DNM3: variants seen among roughly 807,000 people sequenced by gnomAD.
DNM3 encodes dynamin 3, also known as dynamin-3.
A neutral mutation model predicts 101.6 loss-of-function variants in DNM3; 47 were observed. That is an observed-to-expected ratio of 0.46 (90% CI 0.37 to 0.59). The LOEUF (loss-of-function observed/expected upper bound fraction) is 0.59, where lower values mean the gene tolerates loss of function less well. DNM3 is among the 20% of genes least tolerant of loss of function. The pLI is 0.00. For synonymous variants in DNM3, 385 were observed against 387.9 expected (o/e 0.99, Z 0.09); for missense variants, 849 against 1,085.7 (o/e 0.78, Z 3.06).
intron 4 of DNM3, among the ~76,000 whole-genome samples, chr1:172,028,095 C>T (rs978294210): frequency 6.6e-6 from 1 of 152,156 alleles, no homozygotes; most frequent in African/African-American, 2.4e-5. Flanking sequence ...AACTCTCCAC[C>T]CCAAATCAAC....
chr1:171,939,599 AT>A (rs982570901), intron 2 of DNM3, among the ~76,000 whole-genome samples: 1 of 152,204 alleles, frequency 6.6e-6, no homozygotes, highest in African/African-American at 2.4e-5. Context: ...TCTTTTTTCT[AT>A]TCCCTTCCTC....
chr1:172,305,530 C>T (rs1242543487), intron 15 of DNM3, among the ~76,000 whole-genome samples: 2 of 152,118 alleles, frequency 1.3e-5, no homozygotes, highest in Admixed American at 6.6e-5. Flanking sequence ...TAACTCATTT[C>T]ATGAGTCCAG....
At chr1:172,388,229 G>T (rs560681735) in intron 19 of DNM3, among the ~76,000 whole-genome samples, 1 of 151,340 alleles carries the variant, frequency 6.6e-6, no homozygotes, top group Non-Finnish European at 1.5e-5. Context: ...GCGAGACTCC[G>T]CCTCAAAGAA....
At chr1:172,277,125 C>A (rs2063321429) in intron 15 of DNM3, among the ~76,000 whole-genome samples, 1 of 151,988 alleles carries the variant, frequency 6.6e-6, no homozygotes, top group Non-Finnish European at 1.5e-5. Flanking sequence ...TCCTTGTCCT[C>A]TGCATTCATG....
chr1:171,958,513 G>T (rs1178755006), intron 2 of DNM3, among the ~76,000 whole-genome samples: 1 of 152,202 alleles, frequency 6.6e-6, no homozygotes, highest in East Asian at 1.9e-4. Flanking sequence ...AGTATATAGT[G>T]TGTCTGTGTG....
At chr1:172,164,318 G>C (rs2058671049) in intron 14 of DNM3, among the ~76,000 whole-genome samples, 1 of 147,270 alleles carries the variant, frequency 6.8e-6, no homozygotes, top group Non-Finnish European at 1.5e-5. Flanking sequence ...TCTGTGTTCA[G>C]GTTAGGGTGC....
chr1:172,199,745 A>G (rs926736522), intron 14 of DNM3, among the ~76,000 whole-genome samples: 3 of 151,780 alleles, frequency 2.0e-5, no homozygotes, highest in African/African-American at 4.8e-5. Flanking sequence ...CCTGTTTTCC[A>G]TTTGTTTGGT....
intron 1 of DNM3, among the ~76,000 whole-genome samples, chr1:171,900,532 C>T (rs908013371): frequency 5.9e-5 from 9 of 152,062 alleles, no homozygotes; most frequent in African/African-American, 2.2e-4. Context: ...AAATTTTCAC[C>T]ACTTTTAGGA....
chr1:172,011,568 C>G (rs1425502423), intron 4 of DNM3, among the ~76,000 whole-genome samples: 1 of 151,960 alleles, frequency 6.6e-6, no homozygotes, highest in Admixed American at 6.6e-5. Flanking sequence ...CTGAAAATGA[C>G]TGTTTTATAT....
At chr1:171,895,996 A>T (rs2037757869) in intron 1 of DNM3, among the ~76,000 whole-genome samples, 2 of 152,194 alleles carry the variant, frequency 1.3e-5, no homozygotes, top group East Asian at 1.9e-4. Context: ...CCATTGATCT[A>T]TATCTCTGTT....
intron 16 of DNM3, 90 bp from the exon 17 acceptor site, chr1:172,323,239 A>G: frequency 7.5e-7 from 1 of 1,336,344 alleles, no homozygotes; most frequent in South Asian, 1.4e-5. Flanking sequence ...TTTAATATCC[A>G]GAGAAAGTAG....
chr1:171,999,774 G>A (rs2046247776), intron 4 of DNM3, among the ~76,000 whole-genome samples: 1 of 152,124 alleles, frequency 6.6e-6, no homozygotes, highest in Non-Finnish European at 1.5e-5. Context: ...AGAAAAGAGA[G>A]AGATTTAAGA....
At chr1:171,882,732 A>G (rs960211238) in intron 1 of DNM3, among the ~76,000 whole-genome samples, 2 of 151,960 alleles carry the variant, frequency 1.3e-5, no homozygotes, top group Non-Finnish European at 2.9e-5. Context: ...CATGACATTG[A>G]TATTTTTGAA....
At chr1:172,177,876 T>A (rs1161828437) in intron 14 of DNM3, among the ~76,000 whole-genome samples, 3 of 151,680 alleles carry the variant, frequency 2.0e-5, no homozygotes, top group Admixed American at 6.6e-5. Context: ...ATACTATATT[T>A]TATAGGGTTT....
intron 5 of DNM3, 45 bp from the exon 6 acceptor site, chr1:172,033,060 C>A: frequency 6.3e-7 from 1 of 1,591,522 alleles, no homozygotes; most frequent in Admixed American, 1.8e-5. Flanking sequence ...CTAGAATAAG[C>A]CACAAAAAGT....
chr1:172,018,292 CTT>C (rs779899165), intron 4 of DNM3, among the ~76,000 whole-genome samples: 1 of 151,884 alleles, frequency 6.6e-6, no homozygotes, highest in Non-Finnish European at 1.5e-5. Flanking sequence ...GTATCCCACT[CTT>C]TTTCTGCCAT....
chr1:172,341,226 G>T (rs2066673272), intron 17 of DNM3, among the ~76,000 whole-genome samples: 1 of 152,078 alleles, frequency 6.6e-6, no homozygotes, highest in African/African-American at 2.4e-5. Flanking sequence ...ACTGCTAAAA[G>T]GAATCAGAGA....
intron 14 of DNM3, chr1:172,139,223 A>T (rs1469809890): frequency 2.1e-5 from 5 of 235,602 alleles, no homozygotes; most frequent in Non-Finnish European, 4.3e-5. Context: ...ATGTAGTCAG[A>T]GTTCAGCGTA....
At chr1:172,093,003 G>T in intron 13 of DNM3, 128 bp downstream of exon 13, 3 of 867,540 alleles carry the variant, frequency 3.5e-6, no homozygotes, top group African/African-American at 1.8e-5. Context: ...CTTTCATTTT[G>T]ATTTGTTTTT....
Sources: gnomAD v4.1 joint callset for allele counts (sites outside exome capture counted in the v4.1 genomes callset) on GRCh38, gnomAD v4.1.1 for gene constraint, MANE v1.5 for transcripts, NCBI Gene and HGNC (gene_info 2026-07-23, HGNC 2026-07-21) for gene names.